GALNT10: variants seen among roughly 807,000 people sequenced by gnomAD.
The protein encoded by GALNT10 is GalNAc transferase 10.
A neutral mutation model predicts 75.0 loss-of-function variants in GALNT10; 41 were observed. That is an observed-to-expected ratio of 0.55 (90% CI 0.43 to 0.71). The LOEUF is 0.71. Ranked by LOEUF, GALNT10 falls within the 30% of genes least tolerant of loss-of-function variation. The pLI, the probability that GALNT10 is intolerant of heterozygous loss-of-function variation, is 0.00. For missense variants in GALNT10, 727 were observed against 818.5 expected, an observed-to-expected ratio of 0.89 and a Z score of 1.36; for synonymous variants, 302 against 313.0, an observed-to-expected ratio of 0.96 and a Z score of 0.37.
At chr5:154,321,154 C>T (rs1754666870) in intron 3 of GALNT10, among the ~76,000 whole-genome samples, 1 of 152,142 alleles carries the variant, frequency 6.6e-6, no homozygotes, top group Admixed American at 6.5e-5. Flanking sequence ...ACCCTCTCTC[C>T]ACCCCTCAAT....
At chr5:154,348,877 A>G (rs1254620519) in intron 4 of GALNT10, among the ~76,000 whole-genome samples, 1 of 152,186 alleles carries the variant, frequency 6.6e-6, no homozygotes, top group Non-Finnish European at 1.5e-5. Flanking sequence ...GCAAACTCTT[A>G]GATGATGTTT....
intron 5 of GALNT10, among the ~76,000 whole-genome samples, chr5:154,379,371 G>A (rs1245780816): frequency 2.0e-5 from 3 of 152,140 alleles, no homozygotes; most frequent in African/African-American, 7.2e-5. Flanking sequence ...TGCAGTTTAG[G>A]AAAAAGCAAA....
At chr5:154,213,997 G>A (rs1016174243) in intron 1 of GALNT10, among the ~76,000 whole-genome samples, 2 of 152,180 alleles carry the variant, frequency 1.3e-5, no homozygotes, top group African/African-American at 4.8e-5. Context: ...AGAGGATTGA[G>A]AGGGTATGTT....
At chr5:154,318,598 T>G (rs951126231) in intron 3 of GALNT10, among the ~76,000 whole-genome samples, 1 of 152,218 alleles carries the variant, frequency 6.6e-6, no homozygotes, top group African/African-American at 2.4e-5. Flanking sequence ...TTTTGACAAT[T>G]AAATGACTTA....
At chr5:154,265,182 T>C (rs622659) in intron 1 of GALNT10, among the ~76,000 whole-genome samples, 9,805 of 152,238 alleles carry the variant, frequency 0.064, 867 homozygotes, top group African/African-American at 0.2. Flanking sequence ...TGTGGTAACA[T>C]ATCAAGACTT....
At chr5:154,222,111 T>C (rs568353983) in intron 1 of GALNT10, among the ~76,000 whole-genome samples, 1 of 152,280 alleles carries the variant, frequency 6.6e-6, no homozygotes, top group South Asian at 2.1e-4. Flanking sequence ...TTGTGCCCCT[T>C]TGTTACCCAT....
chr5:154,238,317 C>G (rs1753279554), intron 1 of GALNT10, among the ~76,000 whole-genome samples: 1 of 150,786 alleles, frequency 6.6e-6, no homozygotes, highest in Admixed American at 6.6e-5. Context: ...AAAAGCCTAG[C>G]TTATTTCCTT....
intron 1 of GALNT10, among the ~76,000 whole-genome samples, chr5:154,236,090 T>C (rs943965875): frequency 6.6e-6 from 1 of 152,154 alleles, no homozygotes; most frequent in Non-Finnish European, 1.5e-5. Context: ...TTAGGTCTGC[T>C]TGGACTGGGA....
chr5:154,385,289 T>TCCCTGGGG, intron 6 of GALNT10, among the ~76,000 whole-genome samples: 1 of 152,172 alleles, frequency 6.6e-6, no homozygotes, highest in Non-Finnish European at 1.5e-5. Context: ...TGGGGGACGC[T>TCCCTGGGG]GACAGTCAGC....
chr5:154,353,283 A>G (rs558790567), intron 4 of GALNT10, among the ~76,000 whole-genome samples: 2 of 152,108 alleles, frequency 1.3e-5, no homozygotes, highest in South Asian at 2.1e-4. Flanking sequence ...ACAGATTGCA[A>G]TGACACCACC....
intron 1 of GALNT10, among the ~76,000 whole-genome samples, chr5:154,222,063 C>A (rs934423657): frequency 5.9e-5 from 9 of 152,236 alleles, no homozygotes; most frequent in African/African-American, 2.2e-4. Flanking sequence ...TCATCACAGT[C>A]AAGAGAATGA....
At position 154,332,536 on chromosome 5, in the gene GALNT10, C is replaced by T. The variant is rs567819587; in HGVS notation, c.568+2798C>T. Among the ~76,000 whole-genome samples, 22 of 152,304 alleles carry T rather than the reference C, an allele frequency of 1.4e-4. 1 individual carries two copies. Among genetic ancestry groups the T allele is most frequent in the East Asian group, 9.6e-4 (5 of 5,192 alleles). On this transcript the variant is annotated intron_variant, in intron 4 of 11. Coordinates refer to ENST00000297107, the MANE Select transcript of GALNT10 (RefSeq NM_198321.4). ...CTACCATTATTCACCATGCTGCATG[C>T]GCGGTTACATGGCTGTTTGTTGAGC...
At chr5:154,345,934 C>T (rs1026919728) in intron 4 of GALNT10, among the ~76,000 whole-genome samples, 2 of 148,514 alleles carry the variant, frequency 1.3e-5, no homozygotes, top group African/African-American at 2.5e-5. Flanking sequence ...TTGTGCACCA[C>T]CACACCCGCC....
At chr5:154,243,137 T>C (rs1753364645) in intron 1 of GALNT10, among the ~76,000 whole-genome samples, 1 of 152,094 alleles carries the variant, frequency 6.6e-6, no homozygotes, top group Admixed American at 6.6e-5. Flanking sequence ...CCTCACTTTA[T>C]AAATATTTTT....
intron 3 of GALNT10, among the ~76,000 whole-genome samples, chr5:154,327,627 TG>T (rs887860800): frequency 9.2e-5 from 14 of 152,220 alleles, no homozygotes; most frequent in African/African-American, 3.4e-4. Context: ...TGGAGGATGC[TG>T]GGGAACCAGC....
chr5:154,314,846 A>T (rs1433237664), intron 3 of GALNT10, among the ~76,000 whole-genome samples: 2 of 151,828 alleles, frequency 1.3e-5, no homozygotes, highest in Non-Finnish European at 2.9e-5. Context: ...TTAAAATGAT[A>T]ATTTCCTTAA....
At chr5:154,354,906 CAT>C (rs543475641) in intron 4 of GALNT10, among the ~76,000 whole-genome samples, 5 of 152,304 alleles carry the variant, frequency 3.3e-5, no homozygotes, top group African/African-American at 1.2e-4. Context: ...CATCATCAGT[CAT>C]ATGTGTTTTC....
intron 1 of GALNT10, among the ~76,000 whole-genome samples, chr5:154,211,324 T>C (rs1056371329): frequency 6.6e-5 from 10 of 151,958 alleles, no homozygotes; most frequent in African/African-American, 2.4e-4. Flanking sequence ...AACTGTTCAG[T>C]CAACGTTCAT....
Position 154,231,829 on chromosome 5 carries a change from C to T in GALNT10, c.159+40804C>T, listed in dbSNP as rs575139022. On this transcript the variant is annotated intron_variant, in intron 1 of 11. Coordinates refer to ENST00000297107, the MANE Select transcript of GALNT10 (RefSeq NM_198321.4). ...GTAGCTCTCTGGGATACAGAAAAGT[C>T]CTTTGATACTTACGTACTTGTCTTT... Among the ~76,000 whole-genome samples, 4 of 152,306 alleles carry T rather than the reference C, an allele frequency of 2.6e-5. No individual in the cohort carries two copies. In the South Asian group the frequency reaches 8.3e-4, roughly 32 times the overall value.
Sources: gnomAD v4.1 joint callset for allele counts (sites outside exome capture counted in the v4.1 genomes callset) on GRCh38, gnomAD v4.1.1 for gene constraint, MANE v1.5 for transcripts, NCBI Gene and HGNC (gene_info 2026-07-23, HGNC 2026-07-21) for gene names.